TECRL: variants seen among roughly 807,000 people sequenced by gnomAD.
TECRL encodes the protein trans-2,3-enoyl-CoA reductase-like.
TECRL carries 63 observed loss-of-function variants against 52.8 expected under a neutral mutation model. That is an observed-to-expected ratio of 1.19 (90% CI 0.97 to 1.47). TECRL has a LOEUF of 1.47. TECRL is among the 40% of genes most tolerant of loss of function. TECRL has a pLI of 0.00. For missense variants in TECRL, 482 were observed against 429.6 expected (o/e 1.12, Z -1.08); for synonymous variants, 164 against 141.9 (o/e 1.16, Z -1.10).
chr4:64,401,372 G>A (rs1201060360), intron 1 of TECRL, among the ~76,000 whole-genome samples: 2 of 152,048 alleles, frequency 1.3e-5, no homozygotes, highest in Admixed American at 1.3e-4. Flanking sequence ...TCTTGGATAT[G>A]CTAAACTTTC....
At chr4:64,389,975 G>C (rs912533097) in intron 1 of TECRL, among the ~76,000 whole-genome samples, 1 of 151,806 alleles carries the variant, frequency 6.6e-6, no homozygotes, top group African/African-American at 2.4e-5. Flanking sequence ...TCCATGTTAA[G>C]CCTTGCTTTA....
At chr4:64,402,113 A>T (rs1724395380) in intron 1 of TECRL, among the ~76,000 whole-genome samples, 2 of 152,110 alleles carry the variant, frequency 1.3e-5, no homozygotes. Context: ...ATTCAAGAAA[A>T]GCCTGGATAT....
At chr4:64,308,266 C>T (rs558555578) in intron 6 of TECRL, among the ~76,000 whole-genome samples, 2 of 152,224 alleles carry the variant, frequency 1.3e-5, no homozygotes, top group South Asian at 2.1e-4. Context: ...TACCAAGATG[C>T]TTACTCAGAA....
At chr4:64,317,939 A>T (rs575544234) in intron 4 of TECRL, among the ~76,000 whole-genome samples, 1 of 152,170 alleles carries the variant, frequency 6.6e-6, no homozygotes, top group African/African-American at 2.4e-5. Context: ...AAACAAAAAC[A>T]GTTGTTCATC....
intron 9 of TECRL, among the ~76,000 whole-genome samples, chr4:64,286,690 C>CA (rs1409605823): frequency 6.6e-6 from 1 of 151,846 alleles, no homozygotes; most frequent in African/African-American, 2.4e-5. Flanking sequence ...CATCATTTGA[C>CA]AAAGGAGAGA....
chr4:64,393,872 T>C (rs1385841140), intron 1 of TECRL, among the ~76,000 whole-genome samples: 2 of 152,012 alleles, frequency 1.3e-5, no homozygotes, highest in African/African-American at 4.8e-5. Context: ...ATATTATTTT[T>C]ATTTCTGAAG....
At chr4:64,335,336 C>T (rs890764990) in intron 2 of TECRL, among the ~76,000 whole-genome samples, 3 of 152,182 alleles carry the variant, frequency 2.0e-5, no homozygotes, top group Non-Finnish European at 2.9e-5. Flanking sequence ...AGGTTGCATG[C>T]TCCTTATGAG....
chr4:64,301,263 T>C (rs1352720676), intron 7 of TECRL, among the ~76,000 whole-genome samples: 3 of 151,168 alleles, frequency 2.0e-5, no homozygotes, highest in Non-Finnish European at 3.0e-5. Context: ...TATTCATATA[T>C]GTTGTACATT....
At chr4:64,363,580 A>G (rs1399072996) in intron 2 of TECRL, among the ~76,000 whole-genome samples, 3 of 152,090 alleles carry the variant, frequency 2.0e-5, no homozygotes, top group Non-Finnish European at 2.9e-5. Flanking sequence ...ATTGGCTAGC[A>G]ACTTAGAACT....
chr4:64,398,932 G>A (rs10000515), intron 1 of TECRL, among the ~76,000 whole-genome samples: 97,372 of 152,000 alleles, frequency 0.64, 32,481 homozygotes, highest in Non-Finnish European at 0.74. Flanking sequence ...AGGTCACTTT[G>A]CTATACCACA....
rs1719449267 is a variant in TECRL, at chr4:64,340,149, A to G, written c.287-11593T>C. 3.9e-5 allele frequency among the ~76,000 whole-genome samples: 6 copies of G among 152,164 alleles called. No homozygotes were observed. In the South Asian group the frequency reaches 1.2e-3, roughly 32 times the overall value. On this transcript the variant is annotated intron_variant, in intron 2 of 11. Coordinates refer to ENST00000381210, the MANE Select transcript of TECRL (RefSeq NM_001010874.5). ...AGTAGGGAGGTGAAGCCAGGACTGC[A>G]TGCTCCATGGAGCTGGCAGAAGCCA...
chr4:64,348,526 T>C (rs1720152468), intron 2 of TECRL, among the ~76,000 whole-genome samples: 1 of 152,212 alleles, frequency 6.6e-6, no homozygotes, highest in Non-Finnish European at 1.5e-5. Flanking sequence ...TTTTTGATCC[T>C]ACCTCGGTTC....
At chr4:64,395,644 A>C (rs1410240155) in intron 1 of TECRL, among the ~76,000 whole-genome samples, 1 of 152,212 alleles carries the variant, frequency 6.6e-6, no homozygotes, top group East Asian at 1.9e-4. Context: ...ACATTATATA[A>C]GAAAAATCTT....
chr4:64,319,131 T>C (rs1717710888), intron 4 of TECRL, among the ~76,000 whole-genome samples: 1 of 151,748 alleles, frequency 6.6e-6, no homozygotes, highest in South Asian at 2.1e-4. Flanking sequence ...TGGTAACCCC[T>C]AGAATTAGTA....
chr4:64,361,990 C>T (rs1560529621), intron 2 of TECRL, among the ~76,000 whole-genome samples: 1 of 152,020 alleles, frequency 6.6e-6, no homozygotes, highest in Non-Finnish European at 1.5e-5. Context: ...GATGACATAG[C>T]CATTTTAAGA....
At chr4:64,400,757 A>G (rs62408528) in intron 1 of TECRL, among the ~76,000 whole-genome samples, 8,237 of 152,142 alleles carry the variant, frequency 0.054, 315 homozygotes, top group Non-Finnish European at 0.086. Flanking sequence ...GGTCATGGGA[A>G]GTGCCTGCTC....
chr4:64,402,405 A>T (rs1346874633), intron 1 of TECRL, among the ~76,000 whole-genome samples: 1 of 152,098 alleles, frequency 6.6e-6, no homozygotes, highest in Non-Finnish European at 1.5e-5. Flanking sequence ...GGCAAGCATA[A>T]AATATCTCTT....
chr4:64,374,052 C>T (rs55993560), intron 2 of TECRL, among the ~76,000 whole-genome samples: 10 of 105,966 alleles, frequency 9.4e-5, no homozygotes, highest in African/African-American at 3.8e-4. Flanking sequence ...ATAGTAGATA[C>T]ATATATATAT....
chr4:64,280,021 A>C lies in TECRL; in HGVS notation c.*51T>G. The C allele has an allele frequency of 1.3e-6, 2 of 1,536,192 alleles. No homozygotes were observed. The highest frequency in any genetic ancestry group is 1.8e-6 in the Non-Finnish European group (2 of 1,140,700). ...AGTTAACTATCCTTAACTAAGTCTT[A>C]TTTATTGAATTTATATGTTGCTGTT... is the stretch of plus-strand genomic sequence containing the variant. On this transcript the variant is annotated 3_prime_UTR_variant, in exon 12 of 12. Coordinates refer to ENST00000381210, the MANE Select transcript of TECRL (RefSeq NM_001010874.5).
Sources: allele counts gnomAD v4.1 joint callset (sites outside exome capture counted in the v4.1 genomes callset), GRCh38; gene constraint gnomAD v4.1.1; transcripts MANE v1.5; gene names NCBI Gene and HGNC (gene_info 2026-07-23, HGNC 2026-07-21).